The following STON1 variants were observed in gnomAD, a reference collection of about 807,000 sequenced individuals.
STON1 encodes stonin-1.
A neutral mutation model predicts 60.9 loss-of-function variants in STON1; 79 were observed. The ratio of observed to expected loss-of-function variants is 1.30; its 90% CI spans 1.08 to 1.56. The LOEUF (loss-of-function observed/expected upper bound fraction) is 1.56, where lower values mean the gene tolerates loss of function less well. Among genes scored for constraint, STON1 ranks in the 40% most tolerant of loss-of-function variants. STON1 has a pLI of 0.00. For missense variants in STON1, 1,166 were observed against 858.9 expected, an observed-to-expected ratio of 1.36 and a Z score of -4.47; for synonymous variants, 363 against 306.9, an observed-to-expected ratio of 1.18 and a Z score of -1.91.
At position 48,581,029 on chromosome 2, in the gene STON1, C is replaced by G. The variant is rs1361107884; in HGVS notation, c.396C>G (p.Ser132=). 1 of 1,574,150 alleles carries G rather than the reference C, an allele frequency of 6.4e-7. No individual in the cohort carries two copies. The highest frequency in any genetic ancestry group is 8.6e-7 in the Non-Finnish European group (1 of 1,164,190). ...TGCCTACCAGACCAACATGTTTATC[C>G]CATGCCTTGTTACCCAGTGACCACT... ...SLLPTRPTCL[S]HALLPSDHSC... The change falls in exon 2 of 4, where the codon TCC becomes TCG. Residue 132 remains serine (S), a synonymous_variant. Transcript: ENST00000404752.
intron 1 of STON1, among the ~76,000 whole-genome samples, chr2:48,576,996 G>T (rs1389451451): frequency 6.6e-6 from 1 of 151,370 alleles, no homozygotes; most frequent in African/African-American, 2.4e-5. Flanking sequence ...GGAGCTTGCC[G>T]TGAGCCAAGA....
rs1553359269 is a variant in STON1, at chr2:48,564,411, T to TTCC, written c.-47-16174_-47-16173insCTC. ...CTCCAGTGGCAGTGGCGGTGTCTTC[T>TTCC]TCTTCTTCTTCTTCTTCTTCTTCTT... is the stretch of plus-strand genomic sequence containing the variant. On this transcript the variant is annotated intron_variant, in intron 1 of 3. Transcript: ENST00000404752. Among the ~76,000 whole-genome samples, 42 of 33,232 alleles carry TTCC rather than the reference T, an allele frequency of 1.3e-3. 1 individual carries two copies. The highest frequency in any genetic ancestry group is 1.7e-3 in the African/African-American group (15 of 8,750). 21.8% of individuals were successfully genotyped at this position (33,232 alleles called of 152,430 possible).
intron 1 of STON1, among the ~76,000 whole-genome samples, chr2:48,534,529 G>A (rs1415711534): frequency 6.6e-6 from 1 of 152,174 alleles, no homozygotes; most frequent in South Asian, 2.1e-4. Flanking sequence ...TCATGCTTTA[G>A]TAAGAACTGA....
intron 1 of STON1, among the ~76,000 whole-genome samples, chr2:48,545,253 C>T (rs1204287393): frequency 1.3e-5 from 2 of 152,152 alleles, no homozygotes; most frequent in African/African-American, 2.4e-5. Context: ...CTTTATCAAT[C>T]ACCTGACTAT....
chr2:48,570,151 A>G lies in STON1; in HGVS notation c.-47-10436A>G, dbSNP rs1851796. Among the ~76,000 whole-genome samples the G allele has an allele frequency of 7.3e-3, 1,111 of 152,312 alleles. 6 individuals are homozygous for G. Among genetic ancestry groups the G allele is most frequent in the Non-Finnish European group, 0.011 (738 of 68,018 alleles). ...GGAGTTTGAGGCCAGCCTGGCCAAC[A>G]TGGCGAAACCCCATCTCTACTAAAA... On this transcript the variant is annotated intron_variant, in intron 1 of 3. Coordinates refer to ENST00000404752, the MANE Select transcript of STON1 (RefSeq NM_006873.4).
intron 1 of STON1, among the ~76,000 whole-genome samples, chr2:48,565,657 G>GT (rs1459586605): frequency 1.3e-5 from 2 of 152,194 alleles, no homozygotes; most frequent in African/African-American, 4.8e-5. Flanking sequence ...TGTCTTGATG[G>GT]TAAACCAAGG....
At chr2:48,574,106 T>G (rs1435130673) in intron 1 of STON1, among the ~76,000 whole-genome samples, 1 of 152,136 alleles carries the variant, frequency 6.6e-6, no homozygotes, top group Admixed American at 6.6e-5. Context: ...CCAGGTGCAG[T>G]GGCTCACACC....
chr2:48,555,575 A>G (rs1366571381), intron 1 of STON1, among the ~76,000 whole-genome samples: 51 of 31,370 alleles, frequency 1.6e-3, no homozygotes, highest in African/African-American at 8.0e-4. Flanking sequence ...CCTCCTGGAC[A>G]GGGCGGCTGG....
chr2:48,534,283 C>G (rs770100972), intron 1 of STON1, among the ~76,000 whole-genome samples: 1 of 151,924 alleles, frequency 6.6e-6, no homozygotes, highest in African/African-American at 2.4e-5. Flanking sequence ...GTATTTTATT[C>G]GAAAACTCTT....
At chr2:48,552,113 T>A (rs1045169164) in intron 1 of STON1, among the ~76,000 whole-genome samples, 1 of 152,220 alleles carries the variant, frequency 6.6e-6, no homozygotes, top group African/African-American at 2.4e-5. Context: ...CATCAGCAGA[T>A]GAATGGATAA....
At chr2:48,566,774 C>A (rs1413299776) in intron 1 of STON1, among the ~76,000 whole-genome samples, 1 of 152,200 alleles carries the variant, frequency 6.6e-6, no homozygotes, top group African/African-American at 2.4e-5. Flanking sequence ...TTGAAACAAA[C>A]ATTGAATTCT....
intron 1 of STON1, among the ~76,000 whole-genome samples, chr2:48,554,478 C>T (rs1672227642): frequency 6.6e-6 from 1 of 152,192 alleles, no homozygotes; most frequent in Non-Finnish European, 1.5e-5. Flanking sequence ...CTGCCTCGGC[C>T]TCCCAAAGTG....
chr2:48,558,108 A>C (rs1672458979), intron 1 of STON1, among the ~76,000 whole-genome samples: 1 of 152,200 alleles, frequency 6.6e-6, no homozygotes, highest in South Asian at 2.1e-4. Context: ...CTGTAATCCC[A>C]GCTACTCGGC....
chr2:48,581,336 C>T lies in STON1; in HGVS notation c.703C>T (p.His235Tyr), dbSNP rs1673871242. Residue 235 changes from histidine (H) to tyrosine (Y), a missense_variant, in exon 2 of 4, where the codon CAT becomes TAT. By Grantham distance (83) the His-to-Tyr change is moderately conservative (BLOSUM62 2). Coordinates refer to ENST00000404752, the MANE Select transcript of STON1 (RefSeq NM_006873.4). ...CAACTATATCTGTGAGAAGCTTGAA[C>T]ATCTCCAGTCAGCTGAGAACCAAGA... ...SLNYICEKLEHLQSAENQDSL... is the reference protein window; with the variant it reads ...SLNYICEKLEYLQSAENQDSL... 6.5e-7 allele frequency: 1 copy of T among 1,538,710 alleles called. No individual in the cohort carries two copies.
At chr2:48,537,354 A>G (rs1671470049) in intron 1 of STON1, among the ~76,000 whole-genome samples, 1 of 152,170 alleles carries the variant, frequency 6.6e-6, no homozygotes, top group Admixed American at 6.5e-5. Context: ...TTAATGCTTT[A>G]ATGTCTTTTT....
intron 1 of STON1, among the ~76,000 whole-genome samples, chr2:48,561,004 T>C (rs1672588186): frequency 6.6e-6 from 1 of 152,234 alleles, no homozygotes; most frequent in Admixed American, 6.5e-5. Flanking sequence ...CCTTAGCTTT[T>C]TGTGTGTGTC....
chr2:48,537,990 G>C (rs1671499850), intron 1 of STON1, among the ~76,000 whole-genome samples: 1 of 149,938 alleles, frequency 6.7e-6, no homozygotes, highest in South Asian at 2.1e-4. Context: ...GAGTCTTCCT[G>C]TTTCCCAGGC....
In STON1 at chr2:48,581,769, G is replaced by T. The variant is rs780228127; in HGVS notation, c.1136G>T (p.Gly379Val). 2.5e-6 allele frequency: 4 copies of T among 1,613,664 alleles called. No individual in the cohort carries two copies. Among genetic ancestry groups the T allele is most frequent in the Non-Finnish European group, 3.4e-6 (4 of 1,179,994 alleles). ...GACATAGAGCAGATGCTGAAGTTGG[G>T]GTCCACATCGTACCATGACTTCCTT... ...EPDIEQMLKL[G>V]STSYHDFLDF... Residue 379 changes from glycine to valine, a missense_variant, in exon 2 of 4, where the codon GGG becomes GTG. Gly to Val is a moderately radical substitution (Grantham distance 109, BLOSUM62 -3). Transcript: ENST00000404752.
chr2:48,597,172 T>G lies in STON1; in HGVS notation c.*1870T>G, dbSNP rs1012355027. 6.6e-6 allele frequency: 1 copy of G among 152,192 alleles called. No individual in the cohort carries two copies. Among genetic ancestry groups the G allele is most frequent in the Non-Finnish European group, 1.5e-5 (1 of 68,052 alleles). The allele number at this position is 152,192 out of a possible 1,614,324, so 9.4% of individuals were successfully genotyped here. ...CCGGCCGCTATTGCTCTTTTTAACT[T>G]CATTTGATGCCTTGCTTATAATATC... On this transcript the variant is annotated 3_prime_UTR_variant, in exon 4 of 4. Transcript: ENST00000404752.
Sources: allele counts gnomAD v4.1 joint callset (sites outside exome capture counted in the v4.1 genomes callset), GRCh38; gene constraint gnomAD v4.1.1; transcripts MANE v1.5; gene names NCBI Gene and HGNC (gene_info 2026-07-23, HGNC 2026-07-21).